PTP4A3: variants seen among roughly 807,000 people sequenced by gnomAD.
PTP4A3 encodes the protein protein tyrosine phosphatase 4A3, also known as protein tyrosine phosphatase type IVA 3.
PTP4A3 carries 9 observed loss-of-function variants against 15.2 expected under a neutral mutation model. That is an observed-to-expected ratio of 0.59 (90% CI 0.36 to 1.03). The LOEUF (loss-of-function observed/expected upper bound fraction) is 1.03. Among genes scored for constraint, PTP4A3 ranks in the 50% least tolerant of loss-of-function variants. PTP4A3 has a pLI of 0.02. For missense variants in PTP4A3, 234 were observed against 252.1 expected (o/e 0.93, Z 0.49); for synonymous variants, 95 against 102.0 (o/e 0.93, Z 0.41).
intron 1 of PTP4A3, among the ~76,000 whole-genome samples, chr8:141,399,450 C>T (rs769104134): frequency 3.3e-5 from 5 of 152,196 alleles, no homozygotes; most frequent in Non-Finnish European, 5.9e-5. Context: ...CCGGGGCTCC[C>T]GGCTGCCCCT....
At chr8:141,399,529 C>T (rs949991837) in intron 1 of PTP4A3, among the ~76,000 whole-genome samples, 2 of 152,246 alleles carry the variant, frequency 1.3e-5, no homozygotes, top group Non-Finnish European at 2.9e-5. Flanking sequence ...CTGGCTCTGC[C>T]GACTCTCCCT....
rs955707793 is a variant in PTP4A3, at chr8:141,427,691, T to C, written c.330-59T>C. ...TGCCCTGCATCTTCAGCAGGTGCCCTGCCAAGGGGACAGGGGTGCGCAGGC... is the reference window on the plus strand; with the variant it reads ...TGCCCTGCATCTTCAGCAGGTGCCCCGCCAAGGGGACAGGGGTGCGCAGGC... On this transcript the variant is annotated intron_variant, in intron 4 of 5. Transcript: ENST00000521578. The C allele has an allele frequency of 2.7e-6, 4 of 1,459,012 alleles. No homozygotes were observed. The Admixed American group carries it at 8.7e-5, about 32-fold the overall frequency. 90.4% of individuals were successfully genotyped at this position (1,459,012 alleles called of 1,614,324 possible).
intron 1 of PTP4A3, among the ~76,000 whole-genome samples, chr8:141,397,369 C>T (rs1013812798): frequency 2.8e-4 from 40 of 143,170 alleles, no homozygotes; most frequent in African/African-American, 9.7e-4. Context: ...ATGGAGCCCC[C>T]GGGTGGGCTG....
At chr8:141,401,837 G>A (rs944876765) in intron 1 of PTP4A3, among the ~76,000 whole-genome samples, 44 of 152,242 alleles carry the variant, frequency 2.9e-4, no homozygotes, top group African/African-American at 1.0e-3. Flanking sequence ...ACCATTTACC[G>A]AGCGCATCCA....
At chr8:141,420,801 G>GA (rs1833294437) in intron 1 of PTP4A3, among the ~76,000 whole-genome samples, 1 of 152,212 alleles carries the variant, frequency 6.6e-6, no homozygotes, top group South Asian at 2.1e-4. Flanking sequence ...AGCAAGAGGC[G>GA]ATTAGGGTGG....
intron 1 of PTP4A3, among the ~76,000 whole-genome samples, chr8:141,411,815 C>T (rs907856130): frequency 5.3e-5 from 8 of 152,068 alleles, no homozygotes; most frequent in African/African-American, 1.9e-4. Context: ...AGGGTGACCG[C>T]GCCTGCTGGG....
At chr8:141,393,728 T>A (rs932907609) in intron 1 of PTP4A3, among the ~76,000 whole-genome samples, 3 of 152,188 alleles carry the variant, frequency 2.0e-5, no homozygotes, top group Non-Finnish European at 4.4e-5. Flanking sequence ...TGGTCCCCTC[T>A]CTGTCCCAAG....
intron 1 of PTP4A3, among the ~76,000 whole-genome samples, chr8:141,401,430 C>T (rs1832587037): frequency 6.6e-6 from 1 of 152,174 alleles, no homozygotes; most frequent in Admixed American, 6.5e-5. Flanking sequence ...TTCAGTGTCC[C>T]CCTCTGTAAA....
At chr8:141,421,128 C>G (rs1833308772) in intron 1 of PTP4A3, among the ~76,000 whole-genome samples, 1 of 152,222 alleles carries the variant, frequency 6.6e-6, no homozygotes, top group African/African-American at 2.4e-5. Context: ...TCCCCTCTGT[C>G]CTCCGTCATG....
At chr8:141,408,413 G>C (rs1832785759) in intron 1 of PTP4A3, among the ~76,000 whole-genome samples, 1 of 152,246 alleles carries the variant, frequency 6.6e-6, no homozygotes, top group Non-Finnish European at 1.5e-5. Flanking sequence ...GAGGTCAGGA[G>C]TTTGGGACCA....
Position 141,431,293 on chromosome 8 carries a change from T to C in PTP4A3, c.*249T>C. On this transcript the variant is annotated 3_prime_UTR_variant, in exon 6 of 6. Transcript: ENST00000521578. ...CCTCTGGCGGCGCTGGCCGTGGCTC[T>C]GTCTCTCTGAGGTGGGTCGGGCGCC... is the stretch of plus-strand genomic sequence containing the variant. The C allele has an allele frequency of 1.8e-6, 1 of 554,108 alleles. No individual in the cohort carries two copies. The highest frequency in any genetic ancestry group is 2.2e-5 in the South Asian group (1 of 44,578). The allele number at this position is 554,108 out of a possible 1,614,324, so 34.3% of individuals were successfully genotyped here.
At chr8:141,403,806 G>C (rs867182948) in intron 1 of PTP4A3, among the ~76,000 whole-genome samples, 3 of 152,256 alleles carry the variant, frequency 2.0e-5, no homozygotes, top group Non-Finnish European at 2.9e-5. Context: ...CTGCCACCAC[G>C]CACTTCAAAA....
intron 1 of PTP4A3, among the ~76,000 whole-genome samples, chr8:141,404,997 C>T (rs73370134): frequency 0.1 from 15,544 of 152,220 alleles, 2,689 homozygotes; most frequent in African/African-American, 0.35. Context: ...CCTCATCCCA[C>T]GGCATTAACT....
Position 141,422,182 on chromosome 8 carries a change from T to G in PTP4A3, c.-59T>G. 3.3e-6 allele frequency: 5 copies of G among 1,536,728 alleles called. No homozygotes were observed. Among genetic ancestry groups the G allele is most frequent in the Non-Finnish European group, 4.5e-6 (5 of 1,112,628 alleles). ...TGGGGGTGTGTGGGGACTTCTCAGG[T>G]CGTGTCCCCAGCCTTCTCTGCAGTC... On this transcript the variant is annotated 5_prime_UTR_variant, in exon 2 of 6. Transcript: ENST00000521578.
At chr8:141,417,068 G>A (rs1301192944) in intron 1 of PTP4A3, among the ~76,000 whole-genome samples, 1 of 152,164 alleles carries the variant, frequency 6.6e-6, no homozygotes, top group Non-Finnish European at 1.5e-5. Context: ...TTCATAGTCT[G>A]GGGAGCACAT....
chr8:141,406,921 G>A lies in PTP4A3; in HGVS notation c.-853-14467G>A, dbSNP rs190133199. Among the ~76,000 whole-genome samples the A allele has an allele frequency of 1.0e-3, 159 of 152,288 alleles. 1 individual carries two copies. The highest frequency in any genetic ancestry group is 3.6e-3 in the African/African-American group (149 of 41,550). ...TTATGCTTTGAACTTCCAAAAATGC[G>A]CTCAGAAATCTTTCCTGTCCTCTAG... On this transcript the variant is annotated intron_variant, in intron 1 of 5. Coordinates refer to ENST00000521578, the MANE Select transcript of PTP4A3 (RefSeq NM_032611.3). This position sits in a 1 kb window ranked among gnomAD's most constrained non-coding sequence, Gnocchi z 4.5.
In PTP4A3 at chr8:141,426,984, G is replaced by C. The variant is rs1164045592; in HGVS notation, c.244G>C (p.Glu82Gln). Residue 82 changes from glutamate (E) to glutamine (Q), a missense_variant, in exon 4 of 6, where the codon GAA (glutamate) becomes CAA (glutamine). Physicochemically the swap from Glu to Gln is conservative, Grantham distance 29 (BLOSUM62 2). Coordinates refer to ENST00000521578, the MANE Select transcript of PTP4A3 (RefSeq NM_032611.3). The stretch of plus-strand genomic sequence containing the variant: ...GGCGCCCCCGCCCGGCAAGGTAGTG[G>C]AAGACTGGCTGAGCCTGGTGAAGGC... The part of the protein sequence containing the change: ...DGAPPPGKVV[E>Q]DWLSLVKAKF... 1 of 1,609,134 alleles carries C rather than the reference G, an allele frequency of 6.2e-7. No homozygotes were observed. The highest frequency in any genetic ancestry group is 8.5e-7 in the Non-Finnish European group (1 of 1,179,868).
intron 2 of PTP4A3, among the ~76,000 whole-genome samples, chr8:141,424,584 C>T (rs558854576): frequency 1.3e-5 from 2 of 152,248 alleles, no homozygotes; most frequent in Non-Finnish European, 2.9e-5. Context: ...AGTAGCTTTT[C>T]TGGAAGAAAT....
At chr8:141,416,220 T>G (rs985808740) in intron 1 of PTP4A3, among the ~76,000 whole-genome samples, 1 of 151,154 alleles carries the variant, frequency 6.6e-6, no homozygotes, top group Non-Finnish European at 1.5e-5. Context: ...AAACTGAGGC[T>G]GGGGGGCAGG....
Sources: allele counts gnomAD v4.1 joint callset (sites outside exome capture counted in the v4.1 genomes callset), GRCh38; gene constraint gnomAD v4.1.1; non-coding constraint Gnocchi (gnomAD v3.1); transcripts MANE v1.5; gene names NCBI Gene and HGNC (gene_info 2026-07-23, HGNC 2026-07-21).